The following CADPS2 variants were observed in gnomAD, a reference collection of about 807,000 sequenced individuals.
CADPS2 encodes calcium dependent secretion activator 2, also known as calcium-dependent secretion activator 2.
Under a neutral mutation model 172.5 loss-of-function variants are expected in CADPS2, and 93 were observed. The ratio of observed to expected loss-of-function variants is 0.54; its 90% CI spans 0.46 to 0.64. The LOEUF (loss-of-function observed/expected upper bound fraction) is 0.64. Among genes scored for constraint, CADPS2 ranks in the 30% least tolerant of loss-of-function variants. The probability of loss-of-function intolerance (pLI) is 0.00; values close to 1 mark genes in which losing one functional copy is unlikely to be tolerated. For missense variants in CADPS2, 1,420 were observed against 1,565.9 expected, an observed-to-expected ratio of 0.91 and a Z score of 1.57; for synonymous variants, 546 against 555.2, an observed-to-expected ratio of 0.98 and a Z score of 0.23.
At chr7:122,448,797 A>C (rs1329069483) in intron 15 of CADPS2, among the ~76,000 whole-genome samples, 1 of 152,158 alleles carries the variant, frequency 6.6e-6, no homozygotes, top group East Asian at 1.9e-4. Flanking sequence ...AGGATCTTCT[A>C]AGGAAACTTT....
chr7:122,693,235 G>A (rs1018042380), intron 2 of CADPS2, among the ~76,000 whole-genome samples: 2 of 152,134 alleles, frequency 1.3e-5, no homozygotes, highest in Non-Finnish European at 2.9e-5. Context: ...ACAAAGTAGA[G>A]TTCCATTTCA....
At chr7:122,700,022 T>C (rs540893291) in intron 2 of CADPS2, among the ~76,000 whole-genome samples, 7 of 152,260 alleles carry the variant, frequency 4.6e-5, no homozygotes, top group Non-Finnish European at 7.4e-5. Flanking sequence ...TCTGCCTATG[T>C]TTTTGCCACA....
intron 17 of CADPS2, among the ~76,000 whole-genome samples, chr7:122,416,731 G>C (rs1034099377): frequency 6.6e-6 from 1 of 152,180 alleles, no homozygotes; most frequent in Non-Finnish European, 1.5e-5. Context: ...TCCAACTGAG[G>C]GGGTTGTGGG....
chr7:122,732,392 T>C (rs12706436), intron 2 of CADPS2, among the ~76,000 whole-genome samples: 34,335 of 150,460 alleles, frequency 0.23, 4,109 homozygotes, highest in Middle Eastern at 0.31. Flanking sequence ...ACAATCAAGA[T>C]GGAAAAGGCT....
At position 122,336,599 on chromosome 7, in the gene CADPS2, T is replaced by C. The variant is rs1312189986; in HGVS notation, c.3612+8975A>G. Among the ~76,000 whole-genome samples the C allele has an allele frequency of 2.6e-5, 4 of 152,342 alleles. No homozygotes were observed. In the East Asian group the frequency reaches 7.7e-4, roughly 29 times the overall value. On this transcript the variant is annotated intron_variant, in intron 28 of 29. Coordinates refer to ENST00000449022, the MANE Select transcript of CADPS2 (RefSeq NM_017954.11). ...TTTCAAATGCTCAACATGTTCCTTATAATCAATTCAACAGTCTCTTATAAA... is the reference window on the plus strand; with the variant it reads ...TTTCAAATGCTCAACATGTTCCTTACAATCAATTCAACAGTCTCTTATAAA...
Position 122,698,066 on chromosome 7 carries a change from G to A in CADPS2, c.454-34497C>T, listed in dbSNP as rs765304149. ...CATGTCCCATGGGGTAAAATCCAGG[G>A]GTCAATGCAATTCTTGTGGAAAAAA... On this transcript the variant is annotated intron_variant, in intron 2 of 29. Coordinates refer to ENST00000449022, the MANE Select transcript of CADPS2 (RefSeq NM_017954.11). The A allele has an allele frequency of 3.7e-6, 6 of 1,613,820 alleles. No homozygotes were observed. In the African/African-American group the frequency reaches 6.7e-5, roughly 18 times the overall value.
chr7:122,689,194 A>T (rs2084007629), intron 2 of CADPS2, among the ~76,000 whole-genome samples: 1 of 152,150 alleles, frequency 6.6e-6, no homozygotes, highest in Non-Finnish European at 1.5e-5. Context: ...TCCAGGGGTC[A>T]TCATCAAGGC....
intron 7 of CADPS2, among the ~76,000 whole-genome samples, chr7:122,577,323 G>A (rs969232994): frequency 6.6e-6 from 1 of 152,040 alleles, no homozygotes; most frequent in Admixed American, 6.6e-5. Flanking sequence ...AAAGTCCCCT[G>A]TGTACCCCTT....
At chr7:122,793,000 T>C (rs907307414) in intron 1 of CADPS2, among the ~76,000 whole-genome samples, 5 of 152,314 alleles carry the variant, frequency 3.3e-5, no homozygotes, top group African/African-American at 1.2e-4. Flanking sequence ...ATGAAAAAAT[T>C]AAAATGCTGT....
At chr7:122,576,133 T>G (rs760872614) in intron 7 of CADPS2, among the ~76,000 whole-genome samples, 6 of 151,798 alleles carry the variant, frequency 4.0e-5, no homozygotes, top group Non-Finnish European at 8.9e-5. Flanking sequence ...CACTTTTCTT[T>G]TTTATGACCT....
At chr7:122,574,446 A>T (rs111829736) in intron 7 of CADPS2, among the ~76,000 whole-genome samples, 106 of 24,510 alleles carry the variant, frequency 4.3e-3, no homozygotes, top group East Asian at 0.012. Context: ...ACCCTGTCTT[A>T]AAAAAAAAAA....
intron 27 of CADPS2, among the ~76,000 whole-genome samples, chr7:122,348,807 T>C (rs763784552): frequency 1.7e-4 from 26 of 152,310 alleles, no homozygotes; most frequent in Admixed American, 2.6e-4. Context: ...TAAAACACTT[T>C]ATCTTTCATT....
chr7:122,562,467 C>T (rs1457017757), intron 7 of CADPS2, among the ~76,000 whole-genome samples: 1 of 152,146 alleles, frequency 6.6e-6, no homozygotes, highest in Non-Finnish European at 1.5e-5. Flanking sequence ...AGATTATCCT[C>T]TAGAGCATCT....
At chr7:122,588,056 T>G (rs978364837) in intron 6 of CADPS2, among the ~76,000 whole-genome samples, 1 of 152,030 alleles carries the variant, frequency 6.6e-6, no homozygotes, top group Non-Finnish European at 1.5e-5. Flanking sequence ...TTAAATTTTT[T>G]TTCTCGTAAA....
intron 3 of CADPS2, among the ~76,000 whole-genome samples, chr7:122,641,471 T>C (rs745359769): frequency 1.3e-5 from 2 of 152,218 alleles, no homozygotes; most frequent in Non-Finnish European, 2.9e-5. Flanking sequence ...TAGAGATGCA[T>C]ATTTTTTTCC....
At chr7:122,760,094 T>C (rs2093326995) in intron 1 of CADPS2, among the ~76,000 whole-genome samples, 1 of 152,016 alleles carries the variant, frequency 6.6e-6, no homozygotes, top group Admixed American at 6.6e-5. Context: ...TCAATATGTT[T>C]ATACATTTCA....
At chr7:122,880,479 A>G (rs1220132373) in intron 1 of CADPS2, among the ~76,000 whole-genome samples, 1 of 152,206 alleles carries the variant, frequency 6.6e-6, no homozygotes, top group African/African-American at 2.4e-5. Flanking sequence ...CTTTTCCTGC[A>G]CATGGAATAC....
At chr7:122,383,215 G>A (rs1011022890) in intron 24 of CADPS2, among the ~76,000 whole-genome samples, 5 of 151,958 alleles carry the variant, frequency 3.3e-5, no homozygotes, top group Non-Finnish European at 1.5e-5. Flanking sequence ...ATAATCCTAA[G>A]TAAATTAACA....
intron 3 of CADPS2, among the ~76,000 whole-genome samples, chr7:122,641,948 G>C (rs1321315616): frequency 1.3e-5 from 2 of 151,958 alleles, no homozygotes; most frequent in East Asian, 1.9e-4. Flanking sequence ...TGGAATGATA[G>C]CATCAGGATG....
Sources: gnomAD v4.1 joint callset for allele counts (sites outside exome capture counted in the v4.1 genomes callset) on GRCh38, gnomAD v4.1.1 for gene constraint, MANE v1.5 for transcripts, NCBI Gene and HGNC (gene_info 2026-07-23, HGNC 2026-07-21) for gene names.